CPED1: variants seen among roughly 807,000 people sequenced by gnomAD.
CPED1 encodes the protein cadherin like and PC-esterase domain containing 1.
CPED1 carries 114 observed loss-of-function variants against 128.2 expected under a neutral mutation model. That is an observed-to-expected ratio of 0.89 (90% confidence interval 0.76 to 1.04). The LOEUF is 1.04. Among genes scored for constraint, CPED1 ranks in the 50% least tolerant of loss-of-function variants. The probability of loss-of-function intolerance (pLI) is 0.00; values close to 1 mark genes in which losing one functional copy is unlikely to be tolerated. For missense variants in CPED1, 1,211 were observed against 1,207.1 expected (o/e 1.00, Z -0.05); for synonymous variants, 462 against 426.7 (o/e 1.08, Z -1.02).
chr7:121,117,149 G>A (rs775268175), intron 7 of CPED1, among the ~76,000 whole-genome samples: 1 of 146,860 alleles, frequency 6.8e-6, no homozygotes, highest in Non-Finnish European at 1.5e-5. Context: ...CACCCAGGCT[G>A]GAGTGCAGTG....
chr7:121,040,915 C>G (rs1338586703), intron 3 of CPED1, among the ~76,000 whole-genome samples: 2 of 151,906 alleles, frequency 1.3e-5, no homozygotes, highest in African/African-American at 4.8e-5. Flanking sequence ...CCAAACTATA[C>G]TTTATAAATC....
chr7:121,246,994 C>A (rs186460316), intron 18 of CPED1, among the ~76,000 whole-genome samples: 17 of 152,268 alleles, frequency 1.1e-4, no homozygotes, highest in African/African-American at 3.8e-4. Context: ...TTTATCAAGA[C>A]GCTAATTTAT....
At chr7:121,047,602 C>G (rs1793230954) in intron 4 of CPED1, among the ~76,000 whole-genome samples, 1 of 151,604 alleles carries the variant, frequency 6.6e-6, no homozygotes, top group Admixed American at 6.6e-5. Flanking sequence ...AGTATTGTAC[C>G]CAGATCACTT....
chr7:121,125,960 G>A, intron 9 of CPED1, 68 bp downstream of exon 9: 2 of 1,151,442 alleles, frequency 1.7e-6, no homozygotes. Context: ...GTGTGTTGTT[G>A]TTGTTGTTTT....
chr7:121,004,228 C>T (rs1448890047), intron 2 of CPED1, among the ~76,000 whole-genome samples: 1 of 152,190 alleles, frequency 6.6e-6, no homozygotes, highest in Non-Finnish European at 1.5e-5. Context: ...CTACATGCAT[C>T]TGAATGCCAA....
chr7:121,240,623 T>C (rs767992551), intron 17 of CPED1, among the ~76,000 whole-genome samples: 3 of 152,052 alleles, frequency 2.0e-5, no homozygotes, highest in Non-Finnish European at 4.4e-5. Flanking sequence ...CCGCTGATTA[T>C]TTTGTGGTGA....
At chr7:121,155,903 T>C (rs904376015) in intron 16 of CPED1, among the ~76,000 whole-genome samples, 13 of 151,916 alleles carry the variant, frequency 8.6e-5, no homozygotes, top group African/African-American at 2.4e-4. Flanking sequence ...AAACAATCAA[T>C]GAAGAGATAA....
At chr7:121,159,812 A>G (rs531761605) in intron 16 of CPED1, among the ~76,000 whole-genome samples, 4 of 152,020 alleles carry the variant, frequency 2.6e-5, no homozygotes, top group South Asian at 2.1e-4. Context: ...TAGGTCTTTT[A>G]TCATCCTCAC....
chr7:120,994,983 T>G (rs1450629698), intron 2 of CPED1, among the ~76,000 whole-genome samples: 1 of 152,172 alleles, frequency 6.6e-6, no homozygotes, highest in African/African-American at 2.4e-5. Context: ...TCAACCTTTT[T>G]CAAAATTGGC....
intron 3 of CPED1, among the ~76,000 whole-genome samples, chr7:121,044,077 G>A (rs748944837): frequency 1.3e-5 from 2 of 152,100 alleles, no homozygotes; most frequent in Non-Finnish European, 2.9e-5. Context: ...GATTTACTTA[G>A]CTAGTGAAAG....
intron 5 of CPED1, among the ~76,000 whole-genome samples, chr7:121,082,761 C>G (rs1259764372): frequency 6.6e-6 from 1 of 152,108 alleles, no homozygotes; most frequent in Non-Finnish European, 1.5e-5. Context: ...AAGTATTATG[C>G]TATAACTTTG....
intron 16 of CPED1, among the ~76,000 whole-genome samples, chr7:121,212,232 T>A (rs1365250207): frequency 6.6e-6 from 1 of 152,052 alleles, no homozygotes; most frequent in Non-Finnish European, 1.5e-5. Flanking sequence ...ACAAAACCCA[T>A]CGTCAATCTG....
intron 16 of CPED1, among the ~76,000 whole-genome samples, chr7:121,164,415 T>C (rs1430680731): frequency 6.6e-6 from 1 of 152,180 alleles, no homozygotes; most frequent in Admixed American, 6.5e-5. Flanking sequence ...ACTTCTTTCG[T>C]TCCTCTCTTG....
chr7:121,125,450 TC>T (rs1169299957), intron 8 of CPED1, among the ~76,000 whole-genome samples: 1 of 152,166 alleles, frequency 6.6e-6, no homozygotes, highest in Non-Finnish European at 1.5e-5. Flanking sequence ...CCTAATGCTT[TC>T]CCTCTCCTTG....
chr7:121,188,075 A>G (rs890002888), intron 16 of CPED1, among the ~76,000 whole-genome samples: 1 of 152,148 alleles, frequency 6.6e-6, no homozygotes, highest in Non-Finnish European at 1.5e-5. Context: ...TCTAAATTTG[A>G]TTGGTATTTT....
intron 16 of CPED1, among the ~76,000 whole-genome samples, chr7:121,163,895 T>C (rs2116443742): frequency 6.6e-6 from 1 of 152,284 alleles, no homozygotes; most frequent in South Asian, 2.1e-4. Context: ...ATCCCAAGAA[T>C]AGACTCATTG....
chr7:121,228,066 A>G (rs1798056185), intron 16 of CPED1, among the ~76,000 whole-genome samples: 1 of 152,130 alleles, frequency 6.6e-6, no homozygotes, highest in Non-Finnish European at 1.5e-5. Context: ...AAACCTAGGG[A>G]AAGGTCTCCT....
intron 22 of CPED1, among the ~76,000 whole-genome samples, chr7:121,278,152 A>G (rs552144136): frequency 6.6e-6 from 1 of 152,146 alleles, no homozygotes; most frequent in Non-Finnish European, 1.5e-5. Flanking sequence ...TTCAACAAAT[A>G]AAAATAAGAA....
intron 4 of CPED1, among the ~76,000 whole-genome samples, 170 bp from the exon 5 acceptor site, chr7:121,064,068 C>T (rs1307583824): frequency 6.6e-6 from 1 of 152,124 alleles, no homozygotes; most frequent in African/African-American, 2.4e-5. Flanking sequence ...ATCAAATAAG[C>T]TACTTCATTA....
Sources: gnomAD v4.1 joint callset for allele counts (sites outside exome capture counted in the v4.1 genomes callset) on GRCh38, gnomAD v4.1.1 for gene constraint, MANE v1.5 for transcripts, NCBI Gene and HGNC (gene_info 2026-07-23, HGNC 2026-07-21) for gene names.